ZNF407: variants seen among roughly 807,000 people sequenced by gnomAD.
The protein encoded by ZNF407 is zinc finger protein 407.
ZNF407 carries 17 observed loss-of-function variants against 131.2 expected under a neutral mutation model. That is an observed-to-expected ratio of 0.13 (90% CI 0.09 to 0.19). The LOEUF (loss-of-function observed/expected upper bound fraction) is 0.19, where lower values mean the gene tolerates loss of function less well. ZNF407 is among the 10% of genes least tolerant of loss of function. The probability of loss-of-function intolerance (pLI) is 1.00; values close to 1 mark genes in which losing one functional copy is unlikely to be tolerated. For synonymous variants in ZNF407, 1,156 were observed against 1,062.0 expected, an observed-to-expected ratio of 1.09 and a Z score of -1.72; for missense variants, 2,681 against 2,830.6, an observed-to-expected ratio of 0.95 and a Z score of 1.20.
chr18:74,985,860 C>T lies in ZNF407; in HGVS notation c.5428+65168C>T, dbSNP rs549766366. On this transcript the variant is annotated intron_variant, in intron 8 of 8. Coordinates refer to ENST00000299687, the MANE Select transcript of ZNF407 (RefSeq NM_017757.3). ...TAGACCACACTTTTTCCAGGCAGAG[C>T]GTATGGAATTGTGACTGCCAACATC... Among the ~76,000 whole-genome samples the T allele has an allele frequency of 2.3e-3, 353 of 152,256 alleles. 2 individuals carry two copies. Among genetic ancestry groups the T allele is most frequent in the African/African-American group, 7.6e-3 (315 of 41,552 alleles).
intron 3 of ZNF407, among the ~76,000 whole-genome samples, chr18:74,776,557 TG>T (rs886328232): frequency 1.2e-4 from 18 of 152,282 alleles, no homozygotes; most frequent in African/African-American, 4.3e-4. Context: ...TTAAACCTAG[TG>T]TTATCCAAAC....
At chr18:74,757,773 T>C (rs1968997525) in intron 3 of ZNF407, among the ~76,000 whole-genome samples, 1 of 152,164 alleles carries the variant, frequency 6.6e-6, no homozygotes, top group South Asian at 2.1e-4. Flanking sequence ...AAATTTCTGC[T>C]TCATTTCTAT....
intron 8 of ZNF407, among the ~76,000 whole-genome samples, chr18:75,006,849 T>G (rs544558062): frequency 4.1e-4 from 62 of 152,178 alleles, no homozygotes; most frequent in Non-Finnish European, 6.9e-4. Flanking sequence ...CTTTGCTTCT[T>G]AATAGTTTAA....
Position 75,004,127 on chromosome 18 carries a change from G to A in ZNF407, c.5429-59023G>A, listed in dbSNP as rs189776284. On this transcript the variant is annotated intron_variant, in intron 8 of 8. Transcript: ENST00000299687. ...ACTGCAGTGTGGCCCTGGAGTGCCT[G>A]GTCTCACTGAGTCTTTCCTGCTCAG... Among the ~76,000 whole-genome samples, 159 of 152,310 alleles carry A rather than the reference G, an allele frequency of 1.0e-3. 1 individual carries two copies. The highest frequency in any genetic ancestry group is 3.6e-3 in the African/African-American group (148 of 41,550).
chr18:74,744,546 G>A (rs1968623242), intron 3 of ZNF407, among the ~76,000 whole-genome samples: 1 of 152,054 alleles, frequency 6.6e-6, no homozygotes, highest in African/African-American at 2.4e-5. Flanking sequence ...ACACATTTTT[G>A]TTGGTTTTAG....
rs755995851 is a variant in ZNF407, at chr18:74,632,698, G to A, written c.1679G>A (p.Arg560His). 22 of 1,613,878 alleles carry A rather than the reference G, an allele frequency of 1.4e-5. No individual in the cohort carries two copies. Among genetic ancestry groups the A allele is most frequent in the East Asian group, 6.7e-5 (3 of 44,890 alleles). Residue 560 changes from arginine (R) to histidine (H), a missense_variant, in exon 2 of 9, where the codon CGT (arginine) becomes CAT (histidine). Physicochemically the swap from Arg to His is conservative, Grantham distance 29. This residue lies in a region of ZNF407 where 1,789 missense variants were observed against 1,748.7 expected (regional missense o/e 1.02). Coordinates refer to ENST00000299687, the MANE Select transcript of ZNF407 (RefSeq NM_017757.3). ...GCCAGAGAGATGAAATTTTACTGCC[G>A]TACTTGTGACTTCTCTAGTATGTCA... ...CHAREMKFYCRTCDFSSMSRR... is the reference protein window; with the variant it reads ...CHAREMKFYCHTCDFSSMSRR...
At chr18:75,047,709 CA>C (rs1973451628) in intron 8 of ZNF407, among the ~76,000 whole-genome samples, 1 of 152,222 alleles carries the variant, frequency 6.6e-6, no homozygotes, top group Non-Finnish European at 1.5e-5. Context: ...CAGCGTAATG[CA>C]AACGTACAAG....
At position 75,049,953 on chromosome 18, in the gene ZNF407, A is replaced by G. The variant is rs1425790932; in HGVS notation, c.5429-13197A>G. Among the ~76,000 whole-genome samples the G allele has an allele frequency of 2.6e-5, 4 of 152,248 alleles. No homozygotes were observed. In the East Asian group the frequency reaches 5.8e-4, roughly 22 times the overall value. ...GTAGCCACATCAGTGTATTGATCCT[A>G]CCAGTGGCTAGAACTTGGAAGTCAT... On this transcript the variant is annotated intron_variant, in intron 8 of 8. Coordinates refer to ENST00000299687, the MANE Select transcript of ZNF407 (RefSeq NM_017757.3).
intron 3 of ZNF407, among the ~76,000 whole-genome samples, chr18:74,650,832 C>T (rs1355360620): frequency 6.6e-6 from 1 of 152,054 alleles, no homozygotes; most frequent in Non-Finnish European, 1.5e-5. Context: ...AATATTTTTG[C>T]ACTAATGATT....
intron 4 of ZNF407, among the ~76,000 whole-genome samples, chr18:74,839,455 C>G (rs1202600125): frequency 6.6e-6 from 1 of 152,150 alleles, no homozygotes; most frequent in East Asian, 1.9e-4. Flanking sequence ...TTTTTTCTTC[C>G]TTATGGAAAC....
At chr18:74,994,556 CA>C (rs1219388994) in intron 8 of ZNF407, among the ~76,000 whole-genome samples, 2 of 152,146 alleles carry the variant, frequency 1.3e-5, no homozygotes, top group African/African-American at 4.8e-5. Context: ...GGAAGGAGGC[CA>C]GTGGCAGAAG....
intron 3 of ZNF407, among the ~76,000 whole-genome samples, chr18:74,715,136 C>T (rs1599093179): frequency 6.6e-6 from 1 of 152,338 alleles, no homozygotes; most frequent in South Asian, 2.1e-4. Flanking sequence ...CTTGTACTTA[C>T]AGTATCCCCT....
intron 7 of ZNF407, among the ~76,000 whole-genome samples, chr18:74,894,764 T>C (rs990284396): frequency 1.3e-5 from 2 of 152,192 alleles, no homozygotes; most frequent in African/African-American, 4.8e-5. Flanking sequence ...CATTGCACTT[T>C]AAATGTTAAT....
chr18:74,650,279 G>GGACTA (rs1985167107), intron 3 of ZNF407, among the ~76,000 whole-genome samples: 1 of 152,036 alleles, frequency 6.6e-6, no homozygotes, highest in Non-Finnish European at 1.5e-5. Context: ...AGTATCTGAT[G>GGACTA]GACTATATGG....
At position 74,965,082 on chromosome 18, in the gene ZNF407, A is replaced by G. The variant is rs147625088; in HGVS notation, c.5428+44390A>G. On this transcript the variant is annotated intron_variant, in intron 8 of 8. Coordinates refer to ENST00000299687, the MANE Select transcript of ZNF407 (RefSeq NM_017757.3). ...GGTGTATGTATTTATGGCATACCTG[A>G]GATGTTTAGATACAGGCATGCAATC... 5.0e-4 allele frequency among the ~76,000 whole-genome samples: 76 copies of G among 152,264 alleles called. No homozygotes were observed. The East Asian group carries it at 0.013, about 27-fold the overall frequency.
At chr18:74,848,452 A>G (rs1427155647) in intron 4 of ZNF407, among the ~76,000 whole-genome samples, 3 of 152,208 alleles carry the variant, frequency 2.0e-5, no homozygotes, top group Admixed American at 2.0e-4. Context: ...CTTTATGTCT[A>G]CATGGGCATG....
At chr18:75,026,012 G>A (rs1410857805) in intron 8 of ZNF407, among the ~76,000 whole-genome samples, 6 of 152,170 alleles carry the variant, frequency 3.9e-5, no homozygotes, top group African/African-American at 1.4e-4. Context: ...CGTAGAAGGT[G>A]TCTCTCACTT....
intron 8 of ZNF407, among the ~76,000 whole-genome samples, chr18:74,973,091 T>A (rs772432934): frequency 1.5e-4 from 22 of 151,590 alleles, no homozygotes; most frequent in African/African-American, 2.4e-4. Context: ...TTTGAGTATA[T>A]CTCTTCTTAA....
At chr18:74,973,875 A>G (rs907652913) in intron 8 of ZNF407, among the ~76,000 whole-genome samples, 5 of 152,162 alleles carry the variant, frequency 3.3e-5, no homozygotes, top group Admixed American at 2.0e-4. Flanking sequence ...TGTCTTTAAA[A>G]TGACACTAGA....
Sources: allele counts gnomAD v4.1 joint callset (sites outside exome capture counted in the v4.1 genomes callset), GRCh38; gene constraint gnomAD v4.1.1; regional missense constraint gnomAD v4.1.1; transcripts MANE v1.5; gene names NCBI Gene and HGNC (gene_info 2026-07-23, HGNC 2026-07-21).